Variants in KCNK9 observed in about 807,000 individuals in gnomAD.
The protein encoded by KCNK9 is potassium two pore domain channel subfamily K member 9.
KCNK9 carries 1 observed loss-of-function variant against 10.8 expected under a neutral mutation model. The ratio of observed to expected loss-of-function variants is 0.09; its 90% CI spans 0.03 to 0.44. The LOEUF is 0.44. Ranked by LOEUF, KCNK9 falls within the 20% of genes least tolerant of loss-of-function variation. KCNK9 has a pLI of 0.97. For missense variants in KCNK9, 303 were observed against 515.0 expected, an observed-to-expected ratio of 0.59 and a Z score of 3.98; for synonymous variants, 231 against 222.7, an observed-to-expected ratio of 1.04 and a Z score of -0.33.
intron 1 of KCNK9, among the ~76,000 whole-genome samples, chr8:139,631,307 C>T (rs1053008621): frequency 6.6e-6 from 1 of 152,214 alleles, no homozygotes; most frequent in African/African-American, 2.4e-5. Context: ...GGGCCGGGGA[C>T]TGCGCTAAGA....
At chr8:139,701,472 G>T (rs1817217685) in intron 1 of KCNK9, among the ~76,000 whole-genome samples, 1 of 151,932 alleles carries the variant, frequency 6.6e-6, no homozygotes, top group Non-Finnish European at 1.5e-5. Context: ...TCCAGACAAA[G>T]AAAAATATCA....
At chr8:139,633,054 G>A (rs1815223149) in intron 1 of KCNK9, among the ~76,000 whole-genome samples, 1 of 152,122 alleles carries the variant, frequency 6.6e-6, no homozygotes. Context: ...AGTAGCAGTG[G>A]GGCGATCTGG....
chr8:139,654,791 G>A (rs577490038), intron 1 of KCNK9, among the ~76,000 whole-genome samples: 12 of 152,292 alleles, frequency 7.9e-5, no homozygotes, highest in Admixed American at 4.6e-4. Context: ...ATGCTACCCC[G>A]GGGCCTAGCT....
intron 1 of KCNK9, among the ~76,000 whole-genome samples, chr8:139,699,357 C>T (rs1288095363): frequency 6.6e-6 from 1 of 152,196 alleles, no homozygotes; most frequent in Non-Finnish European, 1.5e-5. Context: ...AACTCCTCCA[C>T]CCCTGTCCAG....
intron 1 of KCNK9, among the ~76,000 whole-genome samples, chr8:139,664,025 T>A (rs1048436014): frequency 6.6e-6 from 1 of 152,142 alleles, no homozygotes; most frequent in Non-Finnish European, 1.5e-5. Flanking sequence ...CTTGCGGCTA[T>A]CCTACAGAGG....
chr8:139,674,223 T>C (rs918376880), intron 1 of KCNK9, among the ~76,000 whole-genome samples: 7 of 152,312 alleles, frequency 4.6e-5, no homozygotes, highest in Admixed American at 3.9e-4. Context: ...TGTGATGGGC[T>C]GAGGGCCCTC....
intron 1 of KCNK9, among the ~76,000 whole-genome samples, chr8:139,681,906 T>C (rs909341679): frequency 6.6e-6 from 1 of 152,218 alleles, no homozygotes; most frequent in African/African-American, 2.4e-5. Context: ...CCAGGAAAGA[T>C]GGCCCAGACC....
In KCNK9 at chr8:139,638,336, A is replaced by T. The variant is rs185019071; in HGVS notation, c.284-19237T>A. Among the ~76,000 whole-genome samples the T allele has an allele frequency of 5.1e-4, 77 of 152,312 alleles. 1 individual carries two copies. The highest frequency in any genetic ancestry group is 7.8e-4 in the Admixed American group (12 of 15,306). The stretch of plus-strand genomic sequence containing the variant: ...GGTCATGAATTACCAAGCCTATGTC[A>T]ATCAGAATTCCCAATGACCAGCAAA... On this transcript the variant is annotated intron_variant, in intron 1 of 1. Coordinates refer to ENST00000520439, the MANE Select transcript of KCNK9 (RefSeq NM_001282534.2).
At chr8:139,626,143 C>T (rs572055357) in intron 1 of KCNK9, among the ~76,000 whole-genome samples, 1 of 152,164 alleles carries the variant, frequency 6.6e-6, no homozygotes, top group Non-Finnish European at 1.5e-5. Flanking sequence ...CAGCCTGGGC[C>T]AGGTGGACTG....
intron 1 of KCNK9, among the ~76,000 whole-genome samples, chr8:139,701,566 C>T (rs572088153): frequency 2.6e-5 from 4 of 152,072 alleles, no homozygotes; most frequent in Admixed American, 2.6e-4. Flanking sequence ...AGGTCCCTGC[C>T]CAGGGCACAG....
intron 1 of KCNK9, among the ~76,000 whole-genome samples, chr8:139,667,070 G>A (rs1432999860): frequency 1.3e-5 from 2 of 152,234 alleles, no homozygotes; most frequent in Non-Finnish European, 2.9e-5. Flanking sequence ...GTGCAGACCA[G>A]ACAGCCCAAG....
intron 1 of KCNK9, among the ~76,000 whole-genome samples, chr8:139,700,884 C>G (rs1226977654): frequency 6.6e-6 from 1 of 152,186 alleles, no homozygotes. Context: ...TAACACCAAT[C>G]CTCTCCTCGA....
chr8:139,631,514 G>A (rs764050930), intron 1 of KCNK9, among the ~76,000 whole-genome samples: 10 of 152,120 alleles, frequency 6.6e-5, no homozygotes, highest in Non-Finnish European at 1.2e-4. Flanking sequence ...CAGGCTGGGC[G>A]CCCACACCTG....
chr8:139,702,921 G>C lies in KCNK9; in HGVS notation c.72C>G (p.Ala24=), dbSNP rs747979939. 6 of 1,613,224 alleles carry C rather than the reference G, an allele frequency of 3.7e-6. No individual in the cohort carries two copies. The South Asian group carries it at 4.4e-5, about 12-fold the overall frequency. Residue 24 remains alanine (A), a synonymous_variant, in exon 1 of 2, where the codon GCC becomes GCG. Coordinates refer to ENST00000520439, the MANE Select transcript of KCNK9 (RefSeq NM_001282534.2). This position sits in a 1 kb window ranked among gnomAD's most constrained non-coding sequence, Gnocchi z 7.5. The part of the protein sequence containing the change: ...CTFTYLLVGA[A]VFDALESDHE... ...GGTCCGACTCGAGGGCGTCGAACAC[G>C]GCGGCGCCCACCAGCAGGTAGGTGA...
chr8:139,609,608 A>G (rs1381442434), downstream of KCNK9, among the ~76,000 whole-genome samples: 2 of 152,220 alleles, frequency 1.3e-5, no homozygotes, highest in Non-Finnish European at 2.9e-5. Context: ...CTGATGACTC[A>G]CAGCTCAACT....
Position 139,617,960 on chromosome 8 carries a change from T to C in KCNK9, c.*298A>G. On this transcript the variant is annotated 3_prime_UTR_variant, in exon 2 of 2. Transcript: ENST00000520439. The stretch of plus-strand genomic sequence containing the variant: ...CCCGGGAAAACCACTGCAGAGATGA[T>C]GGGGTGGGTGGGGTGAGAAATGTAA... 2.5e-6 allele frequency: 1 copy of C among 404,742 alleles called. No homozygotes were observed. The highest frequency in any genetic ancestry group is 4.6e-6 in the Non-Finnish European group (1 of 218,218). The allele number at this position is 404,742 out of a possible 1,614,324, so 25.1% of individuals were successfully genotyped here.
At chr8:139,607,408 G>A (rs565426522) in intron 2 of KCNK9, among the ~76,000 whole-genome samples, 22 of 152,336 alleles carry the variant, frequency 1.4e-4, no homozygotes, top group East Asian at 3.9e-4. Context: ...CTGGAGAAAC[G>A]GCTGAATCGG....
chr8:139,630,774 G>C (rs1815142542), intron 1 of KCNK9, among the ~76,000 whole-genome samples: 2 of 152,242 alleles, frequency 1.3e-5, no homozygotes, highest in Non-Finnish European at 2.9e-5. Context: ...GCCGACAGCA[G>C]GGTGGGTGGA....
At chr8:139,601,022 G>A (rs1817352031), downstream of KCNK9, 1 of 152,180 alleles carries the variant, frequency 6.6e-6, no homozygotes, top group Admixed American at 6.5e-5. Context: ...CAGAGGCACT[G>A]AGCCTGGAAA....
Sources: gnomAD v4.1 joint callset for allele counts (sites outside exome capture counted in the v4.1 genomes callset) on GRCh38, gnomAD v4.1.1 for gene constraint, Gnocchi (gnomAD v3.1) non-coding constraint, MANE v1.5 for transcripts, NCBI Gene and HGNC (gene_info 2026-07-23, HGNC 2026-07-21) for gene names.